EBF4: variants seen among roughly 807,000 people sequenced by gnomAD.
EBF4 encodes EBF transcription factor 4, also known as transcription factor COE4.
A neutral mutation model predicts 67.1 loss-of-function variants in EBF4; 34 were observed. The observed-to-expected ratio is 0.51, with a 90% CI of 0.39 to 0.67. The LOEUF (loss-of-function observed/expected upper bound fraction) is 0.67. EBF4 is among the 30% of genes least tolerant of loss of function. EBF4 has a pLI of 0.00. For missense variants in EBF4, 837 were observed against 873.3 expected (o/e 0.96, Z 0.52); for synonymous variants, 387 against 377.7 (o/e 1.02, Z -0.29).
chr20:2,733,889 T>C (rs757447507), intron 6 of EBF4, among the ~76,000 whole-genome samples: 3 of 152,000 alleles, frequency 2.0e-5, no homozygotes, highest in Non-Finnish European at 4.4e-5. Context: ...AAAGCCAACC[T>C]GGGCTGCATG....
In EBF4 at chr20:2,743,116, C is replaced by A. The variant is rs558836717; in HGVS notation, c.558-5433C>A. Reference sequence around the variant, plus strand: ...CAGACATGGCTTGGAGGACCTGCTGCCCCTCCTTCTTCTTCCCTGACTCCA... The same window carrying A: ...CAGACATGGCTTGGAGGACCTGCTGACCCTCCTTCTTCTTCCCTGACTCCA... On this transcript the variant is annotated intron_variant, in intron 6 of 16. Transcript: ENST00000609451. 9.2e-5 allele frequency among the ~76,000 whole-genome samples: 14 copies of A among 152,320 alleles called. No individual in the cohort carries two copies. The East Asian group carries it at 2.5e-3, about 27-fold the overall frequency.
At chr20:2,693,469 C>G (rs992363620), upstream of EBF4, 25 of 691,986 alleles carry the variant, frequency 3.6e-5, no homozygotes, top group Non-Finnish European at 4.6e-5. This position sits in a 1 kb window ranked among gnomAD's most constrained non-coding sequence, Gnocchi z 4.6. Context: ...CGCCGGCGCC[C>G]GCGGACCCGC....
At chr20:2,727,589 C>G (rs1055600722) in intron 6 of EBF4, among the ~76,000 whole-genome samples, 1 of 152,142 alleles carries the variant, frequency 6.6e-6, no homozygotes, top group Admixed American at 6.5e-5. Flanking sequence ...AGCTGTATAC[C>G]TAGAAGTGGA....
intron 6 of EBF4, 63 bp from the exon 7 acceptor site, chr20:2,748,486 G>T: frequency 6.7e-7 from 1 of 1,484,058 alleles, no homozygotes; most frequent in Non-Finnish European, 9.2e-7. Context: ...GCAGGGAGCA[G>T]TTGGATCTTC....
chr20:2,703,256 T>TA (rs58171984), intron 1 of EBF4, among the ~76,000 whole-genome samples: 5,048 of 113,826 alleles, frequency 0.044, 188 homozygotes, highest in Admixed American at 0.12. Flanking sequence ...GACCCTGTCT[T>TA]AAAAAAAAAA....
At chr20:2,733,588 G>A (rs2087842375) in intron 6 of EBF4, among the ~76,000 whole-genome samples, 1 of 152,012 alleles carries the variant, frequency 6.6e-6, no homozygotes, top group Admixed American at 6.5e-5. Flanking sequence ...GGTCTCTTAA[G>A]CTCTGTTCAT....
chr20:2,733,464 C>T (rs1472247202), intron 6 of EBF4, among the ~76,000 whole-genome samples: 3 of 152,082 alleles, frequency 2.0e-5, no homozygotes, highest in Non-Finnish European at 2.9e-5. Context: ...CATTACTGAG[C>T]ACATTTAGGA....
At chr20:2,700,275 C>T (rs2087355083) in intron 1 of EBF4, among the ~76,000 whole-genome samples, 1 of 152,036 alleles carries the variant, frequency 6.6e-6, no homozygotes, top group African/African-American at 2.4e-5. Flanking sequence ...GAATCACTGC[C>T]CAGATAACAC....
intron 1 of EBF4, among the ~76,000 whole-genome samples, chr20:2,704,912 GAGAGATCCCTTAGC>G (rs1209304034): frequency 1.3e-5 from 2 of 152,240 alleles, no homozygotes; most frequent in Admixed American, 6.5e-5. Context: ...GATGAGCCAG[GAGAGATCCCTTAGC>G]AAGGCCAGAA....
chr20:2,750,915 G>A (rs1035775254), intron 10 of EBF4, among the ~76,000 whole-genome samples: 60 of 152,132 alleles, frequency 3.9e-4, no homozygotes, highest in African/African-American at 1.4e-3. Flanking sequence ...TCTCTTTGCC[G>A]GGAAACTAAA....
chr20:2,695,163 G>A (rs6084086), intron 1 of EBF4, among the ~76,000 whole-genome samples: 7,773 of 150,168 alleles, frequency 0.052, 276 homozygotes, highest in Middle Eastern at 0.078. Flanking sequence ...TTCTTAACAT[G>A]GCCCCCTCTT....
chr20:2,755,666 T>A lies in EBF4; in HGVS notation c.1580T>A (p.Met527Lys). ...CCCCCGCTGGCGGCTGCCTCCTCCA[T>A]GTCCCTCCCGGCCGCTGCCCCCACC... The change falls in exon 15 of 17, where the codon ATG becomes AAG. Residue 527 changes from methionine (M) to lysine (K), a missense_variant. Physicochemically the swap from Met to Lys is moderately conservative, Grantham distance 95. This residue lies in a region of EBF4 where 525 missense variants were observed against 496.5 expected (regional missense o/e 1.06). Transcript: ENST00000609451. The surrounding 1 kb of genome is among the most constrained non-coding windows in gnomAD (Gnocchi z 4.7). The A allele has an allele frequency of 7.7e-7, 1 of 1,290,796 alleles. No homozygotes were observed. The highest frequency in any genetic ancestry group is 1.0e-6 in the Non-Finnish European group (1 of 985,462). The allele number at this position is 1,290,796 out of a possible 1,614,324, so 80.0% of individuals were successfully genotyped here. A position where few individuals can be genotyped will look rare whatever the true frequency, so the allele number is the denominator to read the frequency against.
chr20:2,695,383 C>G (rs2087274072), intron 1 of EBF4, among the ~76,000 whole-genome samples: 2 of 152,138 alleles, frequency 1.3e-5, no homozygotes, highest in Admixed American at 1.3e-4. Flanking sequence ...ATAAGGCTTC[C>G]CCCAGAGCAT....
At chr20:2,746,904 C>A (rs900689490) in intron 6 of EBF4, among the ~76,000 whole-genome samples, 6 of 152,292 alleles carry the variant, frequency 3.9e-5, no homozygotes, top group African/African-American at 1.4e-4. Flanking sequence ...CAGACGTTAG[C>A]CCTGCACTCT....
intron 6 of EBF4, among the ~76,000 whole-genome samples, chr20:2,722,444 C>T (rs2087693679): frequency 6.6e-6 from 1 of 152,176 alleles, no homozygotes; most frequent in South Asian, 2.1e-4. Context: ...AGTTTTCTCA[C>T]ATGCATGCCT....
chr20:2,736,956 T>C (rs1417153761), intron 6 of EBF4, among the ~76,000 whole-genome samples: 2 of 151,680 alleles, frequency 1.3e-5, no homozygotes, highest in Admixed American at 6.6e-5. Flanking sequence ...CCATAGAAAA[T>C]TGGGGGAAGA....
At position 2,755,887 on chromosome 20, in the gene EBF4, A is replaced by G; in HGVS notation, c.1738+63A>G. On this transcript the variant is annotated intron_variant, in intron 15 of 16. Coordinates refer to ENST00000609451, the Ensembl canonical transcript of EBF4. The surrounding 1 kb of genome is among the most constrained non-coding windows in gnomAD (Gnocchi z 4.7). ...AGGGCCCTTGTGGAGCAGCTGGGCT[A>G]CAGGGGCCTGCTCTGTCCACATCTC... The G allele has an allele frequency of 2.7e-6, 4 of 1,454,854 alleles. No homozygotes were observed. The highest frequency in any genetic ancestry group is 2.6e-5 in the South Asian group (2 of 78,142). The allele number at this position is 1,454,854 out of a possible 1,614,324, so 90.1% of individuals were successfully genotyped here.
At chr20:2,757,267 G>A (rs538923501) in intron 15 of EBF4, among the ~76,000 whole-genome samples, 32 of 152,320 alleles carry the variant, frequency 2.1e-4, no homozygotes, top group South Asian at 1.4e-3. Flanking sequence ...ATACATGTCC[G>A]CAGCGTCCCA....
At chr20:2,699,897 G>T (rs975231473) in intron 1 of EBF4, among the ~76,000 whole-genome samples, 1 of 152,192 alleles carries the variant, frequency 6.6e-6, no homozygotes, top group African/African-American at 2.4e-5. Context: ...CCTCTGAATG[G>T]CTGGCAGTTG....
Sources: gnomAD v4.1 joint callset for allele counts (sites outside exome capture counted in the v4.1 genomes callset) on GRCh38, gnomAD v4.1.1 for gene constraint, gnomAD v4.1.1 regional missense constraint, Gnocchi (gnomAD v3.1) non-coding constraint, MANE v1.5 for transcripts, NCBI Gene and HGNC (gene_info 2026-07-23, HGNC 2026-07-21) for gene names.